TSPAN15: variants seen among roughly 807,000 people sequenced by gnomAD.
TSPAN15 encodes tetraspanin 15, also known as tetraspanin-15.
TSPAN15 carries 20 observed loss-of-function variants against 34.5 expected under a neutral mutation model. The ratio of observed to expected loss-of-function variants is 0.58; its 90% CI spans 0.41 to 0.84. The LOEUF is 0.84. TSPAN15 is among the 40% of genes least tolerant of loss of function. TSPAN15 has a pLI of 0.00. For missense variants in TSPAN15, 313 were observed against 386.1 expected (o/e 0.81, Z 1.59); for synonymous variants, 155 against 153.9 (o/e 1.01, Z -0.05).
At chr10:69,519,827 G>T in the TSPAN15 span, among the ~76,000 whole-genome samples, 1 of 152,196 alleles carries the variant, frequency 6.6e-6, no homozygotes, top group East Asian at 1.9e-4. Flanking sequence ...CTGCCTCCCG[G>T]GTTCAATCAA....
intron 5 of TSPAN15, among the ~76,000 whole-genome samples, chr10:69,503,354 C>T (rs1156339259): frequency 6.6e-6 from 1 of 152,242 alleles, no homozygotes; most frequent in African/African-American, 2.4e-5. Flanking sequence ...CGCCAGCCAG[C>T]ATTCTTGTGC....
the TSPAN15 span, among the ~76,000 whole-genome samples, chr10:69,528,787 T>G: frequency 1.0e-4 from 15 of 147,358 alleles, 2 homozygotes; most frequent in African/African-American, 3.4e-4. Flanking sequence ...GACCCTGGAG[T>G]AGATTGCCCC....
downstream of TSPAN15, among the ~76,000 whole-genome samples, chr10:69,510,071 T>A (rs1025119499): frequency 2.6e-5 from 4 of 152,348 alleles, no homozygotes; most frequent in South Asian, 4.1e-4. Flanking sequence ...GGCTCTTTTT[T>A]GGTTCCACAT....
rs141396377 is a variant in TSPAN15 at position 69,451,856 on chromosome 10, G to A, written c.96+166G>A. 4.9e-3 allele frequency among the ~76,000 whole-genome samples: 753 copies of A among 152,384 alleles called. 1 individual carries two copies. Among genetic ancestry groups the A allele is most frequent in the African/African-American group, 0.017 (689 of 41,604 alleles). On this transcript the variant is annotated intron_variant, in intron 1 of 7. Coordinates refer to ENST00000373290, the MANE Select transcript of TSPAN15 (RefSeq NM_012339.5). ...CTCACATTCGGGCGGCCAGAGCTCAGCCTGAATTTTCAGCCGCCCTTTCGG... is the reference window on the plus strand; with the variant it reads ...CTCACATTCGGGCGGCCAGAGCTCAACCTGAATTTTCAGCCGCCCTTTCGG...
At chr10:69,489,892 G>A (rs1841933098) in intron 3 of TSPAN15, among the ~76,000 whole-genome samples, 1 of 152,196 alleles carries the variant, frequency 6.6e-6, no homozygotes, top group Non-Finnish European at 1.5e-5. Flanking sequence ...CAGTTGTGTG[G>A]GTCTCAACCC....
Position 69,504,484 on chromosome 10 carries a change from A to G in TSPAN15, c.617A>G (p.Glu206Gly). ...TMCGYKTIDK[E>G]RFSVQDVIYV... ...TGTGGCTACAAAACTATCGACAAGG[A>G]GGTAATGTCTTTGAAATGCCTTTCC... Residue 206 changes from glutamate (E) to glycine (G), a missense_variant and splice_region_variant, in exon 6 of 8, where the codon GAG becomes GGG. Physicochemically the swap from Glu to Gly is moderately conservative, Grantham distance 98 (BLOSUM62 -2). Coordinates refer to ENST00000373290, the MANE Select transcript of TSPAN15 (RefSeq NM_012339.5). 1.2e-6 allele frequency: 2 copies of G among 1,614,048 alleles called. No homozygotes were observed. Among genetic ancestry groups the G allele is most frequent in the Non-Finnish European group, 1.7e-6 (2 of 1,179,914 alleles).
chr10:69,460,062 G>C, intron 1 of TSPAN15, among the ~76,000 whole-genome samples: 1 of 137,182 alleles, frequency 7.3e-6, no homozygotes, highest in East Asian at 2.0e-4. Context: ...GAGATGAGAT[G>C]AGATGAGAAC....
intron 1 of TSPAN15, among the ~76,000 whole-genome samples, chr10:69,464,782 G>A (rs1841347080): frequency 6.6e-6 from 1 of 152,156 alleles, no homozygotes. Flanking sequence ...AAGCCACCCA[G>A]CATGTGCCCC....
the TSPAN15 span, among the ~76,000 whole-genome samples, chr10:69,525,656 A>C: frequency 2.0e-5 from 3 of 146,746 alleles, 1 homozygote; most frequent in South Asian, 6.5e-4. Context: ...CCCCGTCTCT[A>C]CTAAAAATAT....
chr10:69,494,630 C>T, intron 3 of TSPAN15: 1 of 985,264 alleles, frequency 1.0e-6, no homozygotes, highest in Non-Finnish European at 1.2e-6. Flanking sequence ...AGTTGGGAAG[C>T]TGAGGCCCAG....
At chr10:69,498,473 C>T (rs1842136924) in intron 5 of TSPAN15, 77 bp downstream of exon 5, 2 of 1,217,624 alleles carry the variant, frequency 1.6e-6, no homozygotes, top group African/African-American at 1.5e-5. Context: ...TCTCTCTTCC[C>T]AACTTGAAGA....
the TSPAN15 span, among the ~76,000 whole-genome samples, chr10:69,514,499 A>C: frequency 6.6e-6 from 1 of 152,230 alleles, no homozygotes; most frequent in Non-Finnish European, 1.5e-5. Context: ...CTTTGTAGGA[A>C]GATTTTAAAC....
the TSPAN15 span, among the ~76,000 whole-genome samples, chr10:69,524,030 A>G: frequency 6.7e-6 from 1 of 148,394 alleles, no homozygotes; most frequent in African/African-American, 2.5e-5. Flanking sequence ...TAACATAAAC[A>G]TCTCTGTTTT....
intron 1 of TSPAN15, among the ~76,000 whole-genome samples, chr10:69,463,885 G>C (rs956446310): frequency 6.6e-5 from 10 of 151,992 alleles, no homozygotes; most frequent in East Asian, 1.9e-4. Flanking sequence ...TTGGAAAAAG[G>C]GTTTTTGCAG....
chr10:69,498,329 A>T lies in TSPAN15; in HGVS notation c.503A>T (p.Tyr168Phe), dbSNP rs201388746. The stretch of plus-strand genomic sequence containing the variant: ...TACCGAGATTGGAGCAAGAATCAGT[A>T]CCACGACTGCAGTGCCCCTGGACCC... Reference protein sequence around the residue: ...EDYRDWSKNQYHDCSAPGPLA... With the variant: ...EDYRDWSKNQFHDCSAPGPLA... Residue 168 changes from tyrosine (Y) to phenylalanine (F), a missense_variant, in exon 5 of 8, where the codon TAC (tyrosine) becomes TTC (phenylalanine). By Grantham distance (22) the Tyr-to-Phe change is conservative. Transcript: ENST00000373290. The T allele has an allele frequency of 2.0e-5, 33 of 1,613,922 alleles. No individual in the cohort carries two copies. In the Admixed American group the frequency reaches 5.0e-4, roughly 24 times the overall value.
intron 5 of TSPAN15, among the ~76,000 whole-genome samples, chr10:69,501,321 C>T (rs1319213387): frequency 6.6e-6 from 1 of 152,182 alleles, no homozygotes; most frequent in East Asian, 1.9e-4. Flanking sequence ...TGAATGAGAG[C>T]ACTGAGGTAG....
chr10:69,473,521 G>C (rs891372848), intron 1 of TSPAN15, among the ~76,000 whole-genome samples: 2 of 152,164 alleles, frequency 1.3e-5, no homozygotes, highest in African/African-American at 2.4e-5. Context: ...TGTGGGGCGA[G>C]AGGAGGAGGG....
At chr10:69,484,999 G>A in intron 2 of TSPAN15, 142 bp from the exon 3 acceptor site, 1 of 755,680 alleles carries the variant, frequency 1.3e-6, no homozygotes, top group African/African-American at 1.7e-5. Context: ...ACAGGAGGAG[G>A]GGGCAGAGGC....
In TSPAN15 at chr10:69,506,577, GA is replaced by G. The variant is rs1051112301; in HGVS notation, c.736-250del. Among the ~76,000 whole-genome samples the G allele has an allele frequency of 6.6e-6, 1 of 152,196 alleles. No homozygotes were observed. Among genetic ancestry groups the G allele is most frequent in the Admixed American group, 6.5e-5 (1 of 15,288 alleles). On this transcript the variant is annotated intron_variant, in intron 7 of 7. Coordinates refer to ENST00000373290, the MANE Select transcript of TSPAN15 (RefSeq NM_012339.5). This position sits in a 1 kb window ranked among gnomAD's most constrained non-coding sequence, Gnocchi z 4.7. Reference sequence around the variant, plus strand: ...AGCTGGGGTGGAGGCAGGAATCCCAGAAGGGAGGGGCCCTTGCTGATGGGGC... The same window carrying G: ...AGCTGGGGTGGAGGCAGGAATCCCAGAGGGAGGGGCCCTTGCTGATGGGGC...
Sources: allele counts gnomAD v4.1 joint callset (sites outside exome capture counted in the v4.1 genomes callset), GRCh38; gene constraint gnomAD v4.1.1; non-coding constraint Gnocchi (gnomAD v3.1); transcripts MANE v1.5; gene names NCBI Gene and HGNC (gene_info 2026-07-23, HGNC 2026-07-21).